Variants in NR1H4 observed in about 807,000 individuals in gnomAD.
NR1H4 encodes bile acid receptor.
In NR1H4, 23 loss-of-function variants were observed where a neutral mutation model predicts 58.5. The ratio of observed to expected loss-of-function variants is 0.39; its 90% CI spans 0.28 to 0.56. The LOEUF is 0.56. NR1H4 is among the 20% of genes least tolerant of loss of function. NR1H4 has a pLI of 0.58. For missense variants in NR1H4, 487 were observed against 576.9 expected, an observed-to-expected ratio of 0.84 and a Z score of 1.60; for synonymous variants, 214 against 198.0, an observed-to-expected ratio of 1.08 and a Z score of -0.68.
At chr12:100,500,914 G>C (rs1432791195) in intron 3 of NR1H4, among the ~76,000 whole-genome samples, 1 of 152,080 alleles carries the variant, frequency 6.6e-6, no homozygotes, top group African/African-American at 2.4e-5. Flanking sequence ...AGTGTGAAAA[G>C]AGACTAATAA....
intron 4 of NR1H4, among the ~76,000 whole-genome samples, chr12:100,520,669 T>C (rs1593087358): frequency 6.6e-6 from 1 of 152,186 alleles, no homozygotes; most frequent in African/African-American, 2.4e-5. Context: ...AGCTAGTGAC[T>C]GGAAGCCAGA....
At chr12:100,526,863 A>C (rs1162267250) in intron 4 of NR1H4, among the ~76,000 whole-genome samples, 1 of 152,212 alleles carries the variant, frequency 6.6e-6, no homozygotes, top group African/African-American at 2.4e-5. Flanking sequence ...ATGCAATATA[A>C]CCGTTTCAAA....
chr12:100,535,975 G>A (rs1367366587), intron 6 of NR1H4, among the ~76,000 whole-genome samples: 1 of 152,106 alleles, frequency 6.6e-6, no homozygotes, highest in African/African-American at 2.4e-5. Flanking sequence ...TGCAAAAGTA[G>A]CAGAGACAAT....
At chr12:100,554,700 C>G (rs1333046163) in intron 9 of NR1H4, among the ~76,000 whole-genome samples, 2 of 152,208 alleles carry the variant, frequency 1.3e-5, no homozygotes, top group South Asian at 2.1e-4. Flanking sequence ...AAATAGCCCC[C>G]CCTTGTGACC....
intron 4 of NR1H4, among the ~76,000 whole-genome samples, chr12:100,524,882 C>T (rs1170450221): frequency 6.6e-6 from 1 of 152,016 alleles, no homozygotes; most frequent in Non-Finnish European, 1.5e-5. Flanking sequence ...GAAGAAATGC[C>T]CTGGGGGACA....
Position 100,564,102 on chromosome 12 carries a change from A to G in NR1H4, c.*613A>G, listed in dbSNP as rs1393265576. On this transcript the variant is annotated 3_prime_UTR_variant, in exon 11 of 11. Coordinates refer to ENST00000392986, the MANE Select transcript of NR1H4 (RefSeq NM_001206979.2). ...GAAAAGTTAACAATTTTCACATAAA[A>G]TATTCCCTCAAGCAATCCTTTCCCC... The G allele has an allele frequency of 6.5e-6, 1 of 152,714 alleles. No individual in the cohort carries two copies. The highest frequency in any genetic ancestry group is 1.5e-5 in the Non-Finnish European group (1 of 68,426). 9.5% of individuals were successfully genotyped at this position (152,714 alleles called of 1,614,324 possible).
At chr12:100,503,980 T>C (rs7960501) in intron 3 of NR1H4, among the ~76,000 whole-genome samples, 11,307 of 152,140 alleles carry the variant, frequency 0.074, 821 homozygotes, top group African/African-American at 0.18. Context: ...TGGTATTTCA[T>C]GAAATTTTGT....
At chr12:100,541,231 C>T (rs1954926542) in intron 9 of NR1H4, among the ~76,000 whole-genome samples, 1 of 151,950 alleles carries the variant, frequency 6.6e-6, no homozygotes, top group South Asian at 2.1e-4. Flanking sequence ...ATTTTAATAG[C>T]AACATTTATA....
At chr12:100,532,769 G>A (rs1381132278) in intron 5 of NR1H4, among the ~76,000 whole-genome samples, 159 bp downstream of exon 5, 1 of 152,138 alleles carries the variant, frequency 6.6e-6, no homozygotes, top group African/African-American at 2.4e-5. Context: ...TGTCCAAACT[G>A]TCAACTAAAG....
intron 3 of NR1H4, among the ~76,000 whole-genome samples, chr12:100,502,887 C>T (rs988996136): frequency 3.9e-5 from 6 of 152,118 alleles, no homozygotes; most frequent in African/African-American, 1.4e-4. Context: ...TTACTCACTA[C>T]CACGAGAACA....
At chr12:100,561,357 C>T (rs981494791) in intron 9 of NR1H4, among the ~76,000 whole-genome samples, 2 of 152,096 alleles carry the variant, frequency 1.3e-5, no homozygotes, top group Admixed American at 1.3e-4. Flanking sequence ...GAGATCACGC[C>T]ACTGCACTCC....
chr12:100,474,214 GA>G (rs1207797720), intron 1 of NR1H4, among the ~76,000 whole-genome samples, 155 bp downstream of exon 1: 2 of 152,242 alleles, frequency 1.3e-5, no homozygotes, highest in East Asian at 3.9e-4. Flanking sequence ...AATTAAAAAA[GA>G]GAGAAACTAA....
At chr12:100,557,640 C>A (rs1955362140) in intron 9 of NR1H4, among the ~76,000 whole-genome samples, 1 of 152,202 alleles carries the variant, frequency 6.6e-6, no homozygotes, top group Non-Finnish European at 1.5e-5. Flanking sequence ...TCTATTATTT[C>A]CATTTGTATG....
chr12:100,553,018 A>G (rs1336679257), intron 9 of NR1H4, among the ~76,000 whole-genome samples: 1 of 150,306 alleles, frequency 6.7e-6, no homozygotes, highest in African/African-American at 2.4e-5. Context: ...TTTTTTTTTG[A>G]GACGGAGTCT....
At chr12:100,545,006 G>A (rs17030306) in intron 9 of NR1H4, among the ~76,000 whole-genome samples, 4,928 of 152,210 alleles carry the variant, frequency 0.032, 353 homozygotes, top group East Asian at 0.3. Flanking sequence ...AAAAAGAGGG[G>A]TGCAATGTCT....
At chr12:100,476,126 G>A (rs963323265) in intron 1 of NR1H4, among the ~76,000 whole-genome samples, 1 of 152,142 alleles carries the variant, frequency 6.6e-6, no homozygotes. Context: ...AGGAAGTAGC[G>A]GGACCTGAAC....
chr12:100,514,102 T>C (rs1954202952), intron 4 of NR1H4, among the ~76,000 whole-genome samples: 1 of 152,192 alleles, frequency 6.6e-6, no homozygotes, highest in South Asian at 2.1e-4. Flanking sequence ...ATTCAAGAAT[T>C]AATTTTTTAG....
intron 8 of NR1H4, among the ~76,000 whole-genome samples, chr12:100,537,530 T>TACATAC (rs1206226967): frequency 2.0e-5 from 3 of 152,164 alleles, no homozygotes; most frequent in Admixed American, 6.5e-5. Context: ...TAAATACACA[T>TACATAC]ACATACACAT....
At chr12:100,486,893 C>G (rs945529555) in intron 1 of NR1H4, among the ~76,000 whole-genome samples, 5 of 151,698 alleles carry the variant, frequency 3.3e-5, no homozygotes, top group Admixed American at 3.3e-4. Context: ...TATTTAACTA[C>G]ATGCAATGCA....
Sources: allele counts gnomAD v4.1 joint callset (sites outside exome capture counted in the v4.1 genomes callset), GRCh38; gene constraint gnomAD v4.1.1; transcripts MANE v1.5; gene names NCBI Gene and HGNC (gene_info 2026-07-23, HGNC 2026-07-21).